MTA3: variants seen among roughly 807,000 people sequenced by gnomAD.
MTA3 encodes the protein metastasis associated 1 family member 3.
In MTA3, 34 loss-of-function variants were observed where a neutral mutation model predicts 83.5. The ratio of observed to expected loss-of-function variants is 0.41; its 90% CI spans 0.31 to 0.54. The LOEUF is 0.54. Among genes scored for constraint, MTA3 ranks in the 20% least tolerant of loss-of-function variants. The pLI, the probability that MTA3 is intolerant of heterozygous loss-of-function variation, is 0.33. For synonymous variants in MTA3, 303 were observed against 252.7 expected, an observed-to-expected ratio of 1.20 and a Z score of -1.89; for missense variants, 761 against 726.4, an observed-to-expected ratio of 1.05 and a Z score of -0.55.
chr2:42,593,779 C>G (rs894032610), intron 3 of MTA3, among the ~76,000 whole-genome samples: 4 of 152,058 alleles, frequency 2.6e-5, no homozygotes, highest in African/African-American at 7.2e-5. Context: ...CACTGCATTT[C>G]AGCAGCCTGG....
chr2:42,589,991 T>C (rs1392551292), intron 3 of MTA3, among the ~76,000 whole-genome samples: 1 of 152,102 alleles, frequency 6.6e-6, no homozygotes, highest in African/African-American at 2.4e-5. Flanking sequence ...GAAGTGGAGA[T>C]GAGGAGAGAT....
chr2:42,534,157 T>C (rs1208894858), intron 2 of MTA3, among the ~76,000 whole-genome samples: 2 of 152,134 alleles, frequency 1.3e-5, no homozygotes, highest in Non-Finnish European at 2.9e-5. Flanking sequence ...GATCCTAACA[T>C]GTTCGGTAGG....
intron 2 of MTA3, among the ~76,000 whole-genome samples, chr2:42,538,758 G>GTGT (rs1553339439): frequency 2.3e-4 from 30 of 129,114 alleles, no homozygotes; most frequent in South Asian, 7.4e-4. Flanking sequence ...AGAAAAAAAT[G>GTGT]TTTTTTTTGT....
chr2:42,751,370 A>G (rs1185298539), intron 16 of MTA3, among the ~76,000 whole-genome samples: 1 of 152,226 alleles, frequency 6.6e-6, no homozygotes, highest in Non-Finnish European at 1.5e-5. Flanking sequence ...GGGCTACATC[A>G]TGGTCTAGGA....
At chr2:42,732,011 C>G (rs1339111270) in intron 16 of MTA3, among the ~76,000 whole-genome samples, 2 of 152,204 alleles carry the variant, frequency 1.3e-5, no homozygotes, top group African/African-American at 4.8e-5. Context: ...TCCTTTGACT[C>G]CGGGTCTCAT....
chr2:42,586,266 C>T (rs1680264518), intron 3 of MTA3, among the ~76,000 whole-genome samples: 1 of 147,616 alleles, frequency 6.8e-6, no homozygotes, highest in Non-Finnish European at 1.5e-5. Flanking sequence ...AGGAGTGAAA[C>T]TCCATCTCAA....
chr2:42,657,472 T>G (rs1689274664), intron 7 of MTA3, among the ~76,000 whole-genome samples: 2 of 152,174 alleles, frequency 1.3e-5, no homozygotes, highest in South Asian at 4.1e-4. Context: ...CTGTCTAGAT[T>G]GGGGATTGGT....
intron 4 of MTA3, among the ~76,000 whole-genome samples, chr2:42,639,007 T>C (rs914570980): frequency 3.3e-5 from 5 of 151,810 alleles, no homozygotes; most frequent in Non-Finnish European, 7.4e-5. Flanking sequence ...TTTCTTTGAA[T>C]TGTATTTCAC....
At chr2:42,568,810 C>G (rs746765651) in intron 1 of MTA3, 37 bp downstream of exon 1, 13 of 1,214,334 alleles carry the variant, frequency 1.1e-5, no homozygotes, top group African/African-American at 1.6e-5. Context: ...CGTGTGGGAG[C>G]GGGTTCCGGG....
At chr2:42,563,251 C>T (rs1677750664) in intron 2 of MTA3, among the ~76,000 whole-genome samples, 1 of 152,206 alleles carries the variant, frequency 6.6e-6, no homozygotes, top group African/African-American at 2.4e-5. Context: ...ACCCTACAAC[C>T]TCCACCTCCC....
chr2:42,527,567 T>TA (rs1275971044), intron 2 of MTA3, among the ~76,000 whole-genome samples: 1 of 152,126 alleles, frequency 6.6e-6, no homozygotes, highest in Non-Finnish European at 1.5e-5. Context: ...ATGATAACTT[T>TA]AAAAAGCAAA....
rs563124484 is a variant in MTA3, at chr2:42,507,587, TC to T, written c.-141+12334del. On this transcript the variant is annotated intron_variant, in intron 2 of 17. Coordinates refer to the MTA3 transcript ENST00000405592. ...TTTGTTGGTTATTATAAACCTTTCA[TC>T]TTTTTTTTTAACTGTGTGAAAAGAT... Among the ~76,000 whole-genome samples, 213 of 151,966 alleles carry T rather than the reference TC, an allele frequency of 1.4e-3. 1 individual carries two copies. The highest frequency in any genetic ancestry group is 4.9e-3 in the African/African-American group (204 of 41,454).
At chr2:42,594,728 A>ATATATATATATTTTTTTTTTTTT in intron 3 of MTA3, among the ~76,000 whole-genome samples, 1 of 24,044 alleles carries the variant, frequency 4.2e-5, no homozygotes, top group Non-Finnish European at 6.5e-5. Context: ...ATATATATAT[A>ATATATATATATTTTTTTTTTTTT]TTTTTTTTTT....
chr2:42,714,949 C>A (rs1169915680), intron 14 of MTA3, among the ~76,000 whole-genome samples: 1 of 152,194 alleles, frequency 6.6e-6, no homozygotes, highest in Admixed American at 6.5e-5. Flanking sequence ...ACCACTAGTA[C>A]TGGTCTGAGG....
At chr2:42,507,338 A>G (rs781488153) in intron 2 of MTA3, among the ~76,000 whole-genome samples, 2 of 151,910 alleles carry the variant, frequency 1.3e-5, no homozygotes, top group African/African-American at 2.4e-5. Context: ...CACCCAGCTA[A>G]TGTCATTTTT....
In MTA3 at chr2:42,712,451, C is replaced by T. The variant is rs573538401; in HGVS notation, c.1525+3355C>T. Among the ~76,000 whole-genome samples, 41 of 151,870 alleles carry T rather than the reference C, an allele frequency of 2.7e-4. 1 individual carries two copies. Among genetic ancestry groups the T allele is most frequent in the Non-Finnish European group, 4.0e-4 (27 of 67,972 alleles). ...GGACTATGGGTGTGGCCCACCACAC[C>T]GGTTAATTTATTTTTTTTAGAGATG... is the stretch of plus-strand genomic sequence containing the variant. On this transcript the variant is annotated intron_variant, in intron 14 of 16. Coordinates refer to ENST00000405094, the MANE Select transcript of MTA3 (RefSeq NM_001330442.2).
In MTA3 at chr2:42,744,696, G is replaced by A. The variant is rs568467551; in HGVS notation, c.1760-8678G>A. On this transcript the variant is annotated intron_variant, in intron 16 of 16. Coordinates refer to ENST00000405094, the MANE Select transcript of MTA3 (RefSeq NM_001330442.2). ...AAGGGAAGGAGACAGCAGAGGGAGC[G>A]GATTAGGTATCTAAGAAGAGGATTT... is the stretch of plus-strand genomic sequence containing the variant. 3.9e-5 allele frequency among the ~76,000 whole-genome samples: 6 copies of A among 152,210 alleles called. No homozygotes were observed. The South Asian group carries it at 1.2e-3, about 32-fold the overall frequency.
At chr2:42,736,749 T>C (rs1487792557) in intron 16 of MTA3, among the ~76,000 whole-genome samples, 2 of 152,214 alleles carry the variant, frequency 1.3e-5, no homozygotes, top group Non-Finnish European at 2.9e-5. Context: ...GAAGCCAGCA[T>C]GTCTCTGAGT....
chr2:42,676,997 AT>A (rs1691423970), intron 8 of MTA3, among the ~76,000 whole-genome samples: 1 of 152,220 alleles, frequency 6.6e-6, no homozygotes, highest in Non-Finnish European at 1.5e-5. Context: ...GAGAAGATAT[AT>A]TTCAGCACCC....
Sources: allele counts gnomAD v4.1 joint callset (sites outside exome capture counted in the v4.1 genomes callset), GRCh38; gene constraint gnomAD v4.1.1; transcripts MANE v1.5; gene names NCBI Gene and HGNC (gene_info 2026-07-23, HGNC 2026-07-21).